The following EPHA5 variants were observed in gnomAD, a reference collection of about 807,000 sequenced individuals.
The protein encoded by EPHA5 is ephrin type-A receptor 5.
Under a neutral mutation model 105.0 loss-of-function variants are expected in EPHA5, and 60 were observed. The ratio of observed to expected loss-of-function variants is 0.57; its 90% CI spans 0.46 to 0.71. The LOEUF (loss-of-function observed/expected upper bound fraction) is 0.71. Among genes scored for constraint, EPHA5 ranks in the 30% least tolerant of loss-of-function variants. The probability of loss-of-function intolerance (pLI) is 0.00; values close to 1 mark genes in which losing one functional copy is unlikely to be tolerated. For synonymous variants in EPHA5, 513 were observed against 449.1 expected, an observed-to-expected ratio of 1.14 and a Z score of -1.80; for missense variants, 1,218 against 1,274.7, an observed-to-expected ratio of 0.96 and a Z score of 0.68.
rs553386830 is a variant in EPHA5 at position 65,469,772 on chromosome 4, C to T, written c.1402+20605G>A. ...GTTGTAATACATTTTTTGCTATAAT[C>T]ATCATCATTATCAGCATAAAACAAA... On this transcript the variant is annotated intron_variant, in intron 5 of 16. Coordinates refer to ENST00000613740, the MANE Select transcript of EPHA5 (RefSeq NM_001281766.3). Among the ~76,000 whole-genome samples the T allele has an allele frequency of 8.5e-5, 13 of 152,122 alleles. No individual in the cohort carries two copies. In the South Asian group the frequency reaches 2.7e-3, roughly 32 times the overall value.
At chr4:65,389,014 T>C (rs974771292) in intron 8 of EPHA5, among the ~76,000 whole-genome samples, 3 of 152,106 alleles carry the variant, frequency 2.0e-5, no homozygotes. Context: ...TTCATGCTAA[T>C]TTGATGATTC....
chr4:65,590,231 G>T (rs190665729), intron 3 of EPHA5, among the ~76,000 whole-genome samples: 165 of 152,206 alleles, frequency 1.1e-3, no homozygotes, highest in African/African-American at 3.7e-3. Flanking sequence ...CAAATGAGCA[G>T]GATATCTTCA....
At chr4:65,433,639 A>G (rs1725204465) in intron 5 of EPHA5, among the ~76,000 whole-genome samples, 1 of 152,332 alleles carries the variant, frequency 6.6e-6, no homozygotes, top group African/African-American at 2.4e-5. Flanking sequence ...AGAGGTCAGA[A>G]GTCTAAAACT....
At chr4:65,652,508 C>A (rs62297735) in intron 1 of EPHA5, among the ~76,000 whole-genome samples, 8,328 of 152,124 alleles carry the variant, frequency 0.055, 308 homozygotes, top group South Asian at 0.094. Flanking sequence ...AGGGCAAGAG[C>A]CCAAGGTCCC....
Position 65,645,207 on chromosome 4 carries a change from C to A in EPHA5, c.182-1780G>T, listed in dbSNP as rs571363081. ...ATAAGGCTACATTAAACTTAAATGC[C>A]CTTGTCCTCATTTTAGTTTTTCTGG... On this transcript the variant is annotated intron_variant, in intron 1 of 16. Transcript: ENST00000613740. 3.9e-5 allele frequency among the ~76,000 whole-genome samples: 6 copies of A among 152,122 alleles called. No homozygotes were observed. The East Asian group carries it at 9.6e-4, about 24-fold the overall frequency.
At chr4:65,572,650 G>C (rs1427262581) in intron 3 of EPHA5, among the ~76,000 whole-genome samples, 17 of 152,122 alleles carry the variant, frequency 1.1e-4, no homozygotes, top group Admixed American at 1.1e-3. Context: ...TATATGTACG[G>C]AATATGACAA....
At chr4:65,645,681 G>T (rs1050533283) in intron 1 of EPHA5, among the ~76,000 whole-genome samples, 1 of 151,472 alleles carries the variant, frequency 6.6e-6, no homozygotes, top group Admixed American at 6.6e-5. Flanking sequence ...AAACTAGCTT[G>T]GCTGTTAATA....
chr4:65,350,869 TC>T (rs1722747108), intron 13 of EPHA5, among the ~76,000 whole-genome samples: 1 of 152,076 alleles, frequency 6.6e-6, no homozygotes, highest in East Asian at 1.9e-4. Context: ...AAGGAATAGC[TC>T]TTTTTTCCCT....
intron 14 of EPHA5, among the ~76,000 whole-genome samples, chr4:65,341,058 A>C (rs931190301): frequency 6.6e-6 from 1 of 151,978 alleles, no homozygotes; most frequent in Admixed American, 6.6e-5. Flanking sequence ...GCTTCCCTTC[A>C]TCCCTCCTCA....
At chr4:65,395,971 A>T (rs1038102079) in intron 8 of EPHA5, among the ~76,000 whole-genome samples, 4 of 151,900 alleles carry the variant, frequency 2.6e-5, no homozygotes, top group Non-Finnish European at 5.9e-5. Context: ...ATGGAAACCC[A>T]CCCCCTTCCA....
rs1347563006 is a variant in EPHA5 at position 65,551,823 on chromosome 4, A to G, written c.910+49818T>C. Among the ~76,000 whole-genome samples the G allele has an allele frequency of 2.0e-5, 3 of 152,342 alleles. No homozygotes were observed. The East Asian group carries it at 5.8e-4, about 29-fold the overall frequency. ...TTTTAATTTCAGACTCCAATACTGT[A>G]GCTATTACCATATAGGTAGTTAAAT... On this transcript the variant is annotated intron_variant, in intron 3 of 16. Coordinates refer to ENST00000613740, the MANE Select transcript of EPHA5 (RefSeq NM_001281766.3).
At chr4:65,591,246 A>G (rs557980136) in intron 3 of EPHA5, among the ~76,000 whole-genome samples, 110 of 152,220 alleles carry the variant, frequency 7.2e-4, no homozygotes, top group Middle Eastern at 3.4e-3. Flanking sequence ...ACCAATATTT[A>G]CATCTGTATT....
chr4:65,496,649 T>C (rs574082104), intron 3 of EPHA5, among the ~76,000 whole-genome samples: 1 of 151,942 alleles, frequency 6.6e-6, no homozygotes, highest in Non-Finnish European at 1.5e-5. Context: ...TTTGGGTTGG[T>C]TCCAAGTCTT....
intron 14 of EPHA5, among the ~76,000 whole-genome samples, chr4:65,340,829 A>C (rs909758042): frequency 3.3e-5 from 5 of 152,118 alleles, no homozygotes; most frequent in African/African-American, 1.2e-4. Flanking sequence ...TTGGCCAACA[A>C]CACTAGCTGC....
chr4:65,367,451 C>A (rs1718026928), intron 8 of EPHA5, 27 bp from the exon 9 acceptor site: 1 of 1,607,676 alleles, frequency 6.2e-7, no homozygotes, highest in Non-Finnish European at 8.5e-7. Flanking sequence ...TAGAATTAGC[C>A]ACATCTGAAA....
chr4:65,368,451 C>T (rs1718139495), intron 8 of EPHA5, among the ~76,000 whole-genome samples: 1 of 152,092 alleles, frequency 6.6e-6, no homozygotes, highest in Non-Finnish European at 1.5e-5. Flanking sequence ...TGGCCTTGGT[C>T]CCTTAAAAGC....
At chr4:65,625,902 G>A (rs564348309) in intron 2 of EPHA5, among the ~76,000 whole-genome samples, 37 of 152,090 alleles carry the variant, frequency 2.4e-4, no homozygotes, top group African/African-American at 8.4e-4. Context: ...ATGAGGTCAG[G>A]AGATCGAGAC....
At chr4:65,556,025 GA>G (rs1738402550) in intron 3 of EPHA5, among the ~76,000 whole-genome samples, 1 of 152,032 alleles carries the variant, frequency 6.6e-6, no homozygotes, top group Admixed American at 6.6e-5. Flanking sequence ...GGAATTAAAA[GA>G]ATATTCCGAT....
chr4:65,663,011 T>C (rs745876971), intron 1 of EPHA5, among the ~76,000 whole-genome samples: 1 of 152,118 alleles, frequency 6.6e-6, no homozygotes, highest in South Asian at 2.1e-4. Flanking sequence ...TTTGACAAAG[T>C]TTTGTTATGC....
Sources: allele counts gnomAD v4.1 joint callset (sites outside exome capture counted in the v4.1 genomes callset), GRCh38; gene constraint gnomAD v4.1.1; transcripts MANE v1.5; gene names NCBI Gene and HGNC (gene_info 2026-07-23, HGNC 2026-07-21).